NLGN1: variants seen among roughly 807,000 people sequenced by gnomAD.
NLGN1 encodes neuroligin-1.
NLGN1 carries 12 observed loss-of-function variants against 65.5 expected under a neutral mutation model. That is an observed-to-expected ratio of 0.18 (90% CI 0.12 to 0.30). The LOEUF is 0.30. NLGN1 is among the 10% of genes least tolerant of loss of function. The probability of loss-of-function intolerance (pLI) is 1.00; values close to 1 mark genes in which losing one functional copy is unlikely to be tolerated. For missense variants in NLGN1, 750 were observed against 1,007.1 expected (o/e 0.74, Z 3.46); for synonymous variants, 350 against 359.5 (o/e 0.97, Z 0.30).
chr3:173,625,832 A>G (rs1335889945), intron 3 of NLGN1, among the ~76,000 whole-genome samples: 1 of 152,114 alleles, frequency 6.6e-6, no homozygotes. Flanking sequence ...TTTTTATTTA[A>G]AACCATATTT....
chr3:174,164,729 T>C (rs1727187207), intron 4 of NLGN1, among the ~76,000 whole-genome samples: 1 of 152,166 alleles, frequency 6.6e-6, no homozygotes, highest in Non-Finnish European at 1.5e-5. Flanking sequence ...TGTCTTGTTT[T>C]TGTACCAGTA....
rs548578124 is a variant in NLGN1 at position 173,740,673 on chromosome 3, T to C, written c.494-67007T>C. ...TTGAGAATATGCAAAAGAAAAGTTA[T>C]GGTGACAGGCAATGACATCTAAAAG... On this transcript the variant is annotated intron_variant, in intron 3 of 6. Transcript: ENST00000457714. 1.3e-3 allele frequency among the ~76,000 whole-genome samples: 192 copies of C among 152,224 alleles called. 1 individual carries two copies. Among genetic ancestry groups the C allele is most frequent in the Middle Eastern group, 0.01 (3 of 294 alleles).
At chr3:174,155,052 A>G (rs943678126) in intron 4 of NLGN1, among the ~76,000 whole-genome samples, 1 of 134,054 alleles carries the variant, frequency 7.5e-6, no homozygotes, top group African/African-American at 3.0e-5. Context: ...TTTATATATT[A>G]TTTAATATAA....
chr3:174,031,095 T>G (rs1021338762), intron 4 of NLGN1, among the ~76,000 whole-genome samples: 5 of 152,140 alleles, frequency 3.3e-5, no homozygotes, highest in Non-Finnish European at 7.4e-5. Flanking sequence ...GGCAGCCAAG[T>G]TTATACCCTT....
intron 2 of NLGN1, among the ~76,000 whole-genome samples, chr3:173,570,662 A>AT (rs1186854035): frequency 6.6e-6 from 1 of 152,044 alleles, no homozygotes; most frequent in East Asian, 1.9e-4. Context: ...CACTTATACT[A>AT]TGTCAGTTTT....
In NLGN1 at chr3:173,747,108, ATACCACGTGTATACGTGTGTG is replaced by A. The variant is rs1314018906; in HGVS notation, c.494-60570_494-60550del. ...CACACACACAAACACACACGTGTGT[ATACCACGTGTATACGTGTGTG>A]TGTATATATATGTATATGTATATAT... On this transcript the variant is annotated intron_variant, in intron 3 of 6. Coordinates refer to ENST00000457714, the Ensembl canonical transcript of NLGN1. Among the ~76,000 whole-genome samples, 49 of 150,196 alleles carry A rather than the reference ATACCACGTGTATACGTGTGTG, an allele frequency of 3.3e-4. 1 individual carries two copies. The highest frequency in any genetic ancestry group is 9.4e-4 in the Admixed American group (14 of 14,954).
chr3:173,911,552 A>G (rs1739603360), intron 4 of NLGN1, among the ~76,000 whole-genome samples: 2 of 152,204 alleles, frequency 1.3e-5, no homozygotes, highest in Admixed American at 1.3e-4. Flanking sequence ...TATCAAAACG[A>G]CACCTTCTGG....
chr3:173,396,945 T>C (rs1716724260), upstream of NLGN1, among the ~76,000 whole-genome samples: 1 of 152,198 alleles, frequency 6.6e-6, no homozygotes, highest in Non-Finnish European at 1.5e-5. Flanking sequence ...AGTTTTCCAA[T>C]AGCCTTTCTG....
intron 4 of NLGN1, among the ~76,000 whole-genome samples, chr3:174,049,742 A>G (rs1734400953): frequency 6.6e-6 from 1 of 152,152 alleles, no homozygotes; most frequent in South Asian, 2.1e-4. Flanking sequence ...CACTATGTAA[A>G]TACGATTATT....
chr3:173,947,738 G>A (rs538112511), intron 4 of NLGN1, among the ~76,000 whole-genome samples: 40 of 152,134 alleles, frequency 2.6e-4, no homozygotes, highest in African/African-American at 9.2e-4. Flanking sequence ...TATAAGAATG[G>A]ATGTTTAAGA....
At chr3:174,133,849 C>A (rs572180598) in intron 4 of NLGN1, among the ~76,000 whole-genome samples, 14 of 149,708 alleles carry the variant, frequency 9.4e-5, no homozygotes, top group African/African-American at 3.2e-4. Context: ...TCATACAAAA[C>A]AAGATGTGCT....
intron 4 of NLGN1, among the ~76,000 whole-genome samples, chr3:174,265,701 G>A (rs66946463): frequency 0.17 from 24,647 of 149,134 alleles, 2,502 homozygotes; most frequent in African/African-American, 0.28. Flanking sequence ...TCTTTTTTCC[G>A]AATTCCTTAA....
chr3:173,561,884 A>G (rs2149300297), intron 2 of NLGN1, among the ~76,000 whole-genome samples: 1 of 152,352 alleles, frequency 6.6e-6, no homozygotes, highest in East Asian at 1.9e-4. Flanking sequence ...AGTACAAGGT[A>G]TAATCTGCTG....
intron 4 of NLGN1, among the ~76,000 whole-genome samples, chr3:174,086,183 A>ATGTGTGTG (rs140331992): frequency 3.4e-4 from 49 of 143,976 alleles, no homozygotes; most frequent in African/African-American, 1.2e-3. Flanking sequence ...AAGTATATAT[A>ATGTGTGTG]TGTGTGTGTG....
chr3:173,942,109 G>GTGT (rs1553896554), intron 4 of NLGN1, among the ~76,000 whole-genome samples: 1,641 of 144,112 alleles, frequency 0.011, 19 homozygotes, highest in African/African-American at 0.027. Flanking sequence ...GGTGGTTGGG[G>GTGT]GTGTGTGTGT....
intron 2 of NLGN1, among the ~76,000 whole-genome samples, chr3:173,587,438 TA>T (rs1332639965): frequency 6.6e-6 from 1 of 152,144 alleles, no homozygotes; most frequent in Non-Finnish European, 1.5e-5. Context: ...CAAAATTTTT[TA>T]AAAAGTTGCG....
chr3:173,749,271 T>G (rs1307613425), intron 3 of NLGN1, among the ~76,000 whole-genome samples: 2 of 152,034 alleles, frequency 1.3e-5, no homozygotes, highest in Non-Finnish European at 2.9e-5. Flanking sequence ...CCTGCTAGAT[T>G]TCCAAAGTCA....
chr3:173,569,431 C>T (rs1744257205), intron 2 of NLGN1, among the ~76,000 whole-genome samples: 1 of 151,876 alleles, frequency 6.6e-6, no homozygotes, highest in Admixed American at 6.6e-5. Context: ...CATTCAAGTT[C>T]TATCAAAAAT....
intron 1 of NLGN1, among the ~76,000 whole-genome samples, chr3:173,416,651 T>C (rs974313781): frequency 1.3e-4 from 20 of 152,280 alleles, no homozygotes; most frequent in Non-Finnish European, 1.9e-4. Flanking sequence ...TACAAAACAA[T>C]GTGTTAATTT....
Sources: gnomAD v4.1 joint callset for allele counts (sites outside exome capture counted in the v4.1 genomes callset) on GRCh38, gnomAD v4.1.1 for gene constraint, MANE v1.5 for transcripts, NCBI Gene and HGNC (gene_info 2026-07-23, HGNC 2026-07-21) for gene names.